The following DLGAP2 variants were observed in gnomAD, a reference collection of about 807,000 sequenced individuals.
DLGAP2 encodes the protein DLG associated protein 2.
DLGAP2 carries 26 observed loss-of-function variants against 100.3 expected under a neutral mutation model. The ratio of observed to expected loss-of-function variants is 0.26; its 90% CI spans 0.19 to 0.36. DLGAP2 has a LOEUF of 0.36. Ranked by LOEUF, DLGAP2 falls within the 10% of genes least tolerant of loss-of-function variation. The pLI, the probability that DLGAP2 is intolerant of heterozygous loss-of-function variation, is 1.00. For synonymous variants in DLGAP2, 886 were observed against 630.1 expected, an observed-to-expected ratio of 1.41 and a Z score of -6.08; for missense variants, 1,858 against 1,453.2, an observed-to-expected ratio of 1.28 and a Z score of -4.53.
chr8:1,439,779 T>C (rs1179219835), intron 3 of DLGAP2, among the ~76,000 whole-genome samples: 2 of 151,992 alleles, frequency 1.3e-5, no homozygotes, highest in African/African-American at 4.8e-5. Flanking sequence ...CCAGACTGCT[T>C]CCGATGAGCC....
At position 1,187,130 on chromosome 8, in the gene DLGAP2, C is replaced by T. The variant is rs565203695; in HGVS notation, c.74-71721C>T. 7.9e-5 allele frequency among the ~76,000 whole-genome samples: 12 copies of T among 152,212 alleles called. 1 individual carries two copies. The South Asian group carries it at 2.1e-3, about 26-fold the overall frequency. ...AGATGATTGTCAGTTGCCAAAATAG[C>T]ACTGGCTACATATTGACTGCAATTT... On this transcript the variant is annotated intron_variant, in intron 2 of 14. Coordinates refer to ENST00000637795, the MANE Select transcript of DLGAP2 (RefSeq NM_001346810.2).
chr8:1,240,782 T>TGCCGTGTCTAGTTCTCTCACGTGGC (rs1798775756), intron 2 of DLGAP2, among the ~76,000 whole-genome samples: 1 of 8,380 alleles, frequency 1.2e-4, no homozygotes, highest in Middle Eastern at 0.17. Context: ...TCTCACATGG[T>TGCCGTGTCTAGTTCTCTCACGTGGC]GCCGTTTCTA....
rs185983569 is a variant in DLGAP2 at position 1,566,402 on chromosome 8, A to G, written c.1442+508A>G. On this transcript the variant is annotated intron_variant, in intron 6 of 14. Coordinates refer to ENST00000637795, the MANE Select transcript of DLGAP2 (RefSeq NM_001346810.2). ...CATATTTGCCCAAAATTTATTATTA[A>G]TAAATTTAATTTTGAAAATATAGAC... Among the ~76,000 whole-genome samples the G allele has an allele frequency of 4.6e-5, 7 of 152,374 alleles. No homozygotes were observed. In the East Asian group the frequency reaches 1.3e-3, roughly 29 times the overall value.
intron 1 of DLGAP2, among the ~76,000 whole-genome samples, chr8:804,913 C>T (rs1796239455): frequency 1.3e-5 from 2 of 152,072 alleles, no homozygotes; most frequent in Admixed American, 1.3e-4. Flanking sequence ...TGCAGGTGTG[C>T]ACCACCACAC....
intron 10 of DLGAP2, among the ~76,000 whole-genome samples, chr8:1,670,027 T>C (rs1798651195): frequency 6.7e-6 from 1 of 150,166 alleles, no homozygotes; most frequent in African/African-American, 2.4e-5. Context: ...TAGGGTGCCA[T>C]CGCCCGTCTC....
chr8:1,553,287 C>T (rs930392804), intron 5 of DLGAP2, among the ~76,000 whole-genome samples: 2 of 152,204 alleles, frequency 1.3e-5, no homozygotes, highest in Non-Finnish European at 2.9e-5. Flanking sequence ...GTCTTCCCCA[C>T]CTGGCGTCGC....
chr8:1,332,566 C>T (rs775070464), intron 3 of DLGAP2, among the ~76,000 whole-genome samples: 32 of 152,306 alleles, frequency 2.1e-4, no homozygotes, highest in East Asian at 9.7e-4. Context: ...CTTGCTATGA[C>T]GGAGCTTCCC....
intron 3 of DLGAP2, among the ~76,000 whole-genome samples, chr8:1,386,899 T>G (rs969909325): frequency 6.6e-6 from 1 of 152,172 alleles, no homozygotes; most frequent in Non-Finnish European, 1.5e-5. Flanking sequence ...TTATGCACAT[T>G]AAAAAGTAAA....
intron 2 of DLGAP2, among the ~76,000 whole-genome samples, chr8:1,191,001 C>T (rs1055196284): frequency 6.6e-6 from 1 of 152,140 alleles, no homozygotes; most frequent in South Asian, 2.1e-4. Flanking sequence ...TCCTCATGGT[C>T]AGGGGAGCTA....
At chr8:1,151,769 T>C (rs1418436206) in intron 2 of DLGAP2, among the ~76,000 whole-genome samples, 1 of 152,188 alleles carries the variant, frequency 6.6e-6, no homozygotes, top group Admixed American at 6.5e-5. Context: ...GGCATTTAGG[T>C]TGTTCTGTTT....
intron 3 of DLGAP2, among the ~76,000 whole-genome samples, chr8:1,429,671 C>A (rs1797351939): frequency 6.6e-6 from 1 of 151,834 alleles, no homozygotes. Flanking sequence ...ACAGTTAAAA[C>A]CAGCAGGGAT....
chr8:1,673,623 G>A (rs956884251), intron 10 of DLGAP2, among the ~76,000 whole-genome samples: 2 of 152,222 alleles, frequency 1.3e-5, no homozygotes, highest in African/African-American at 4.8e-5. Context: ...AGAGAACAGG[G>A]AATTTGCATT....
Position 811,842 on chromosome 8 carries a change from C to T in DLGAP2, c.18+74017C>T, listed in dbSNP as rs1053368773. On this transcript the variant is annotated intron_variant, in intron 1 of 14. Transcript: ENST00000637795. The stretch of plus-strand genomic sequence containing the variant: ...AGGGGAAGAAAATAAACCACGGCTT[C>T]GCTGAGCCATGGGACCAAACTGACT... 4.6e-5 allele frequency among the ~76,000 whole-genome samples: 7 copies of T among 152,262 alleles called. No individual in the cohort carries two copies. In the East Asian group the frequency reaches 5.8e-4, roughly 13 times the overall value.
intron 2 of DLGAP2, among the ~76,000 whole-genome samples, chr8:1,074,064 TTTGC>T (rs1307605074): frequency 2.9e-5 from 4 of 136,576 alleles, no homozygotes; most frequent in East Asian, 2.0e-4. Flanking sequence ...CACAGAAGGG[TTTGC>T]AGCAGACTGA....
chr8:906,786 G>A (rs1798389870), intron 1 of DLGAP2, among the ~76,000 whole-genome samples: 1 of 152,186 alleles, frequency 6.6e-6, no homozygotes, highest in Non-Finnish European at 1.5e-5. Flanking sequence ...GCATGTGATT[G>A]AACTTTTAAT....
chr8:1,424,765 T>C (rs1797193468), intron 3 of DLGAP2, among the ~76,000 whole-genome samples: 1 of 152,156 alleles, frequency 6.6e-6, no homozygotes, highest in South Asian at 2.1e-4. Flanking sequence ...AGAAGTCAGA[T>C]GCACAGACAG....
At chr8:877,349 C>G (rs570624639) in intron 1 of DLGAP2, among the ~76,000 whole-genome samples, 4 of 152,236 alleles carry the variant, frequency 2.6e-5, no homozygotes, top group African/African-American at 7.2e-5. Context: ...TTAGAGGAGT[C>G]TAGACTCTCT....
In DLGAP2 at chr8:1,072,518, C is replaced by T. The variant is rs374116850; in HGVS notation, c.73+164552C>T. ...GAACTCGACGCGTGTTTGATTTCAC[C>T]GCAGCGTTTCTCCCCGCGGTAGTGC... On this transcript the variant is annotated intron_variant, in intron 2 of 14. Coordinates refer to ENST00000637795, the MANE Select transcript of DLGAP2 (RefSeq NM_001346810.2). 3.6e-4 allele frequency among the ~76,000 whole-genome samples: 55 copies of T among 152,200 alleles called. 1 individual carries two copies. In the South Asian group the frequency reaches 6.8e-3, roughly 19 times the overall value.
intron 3 of DLGAP2, among the ~76,000 whole-genome samples, chr8:1,309,031 G>T (rs536267439): frequency 8.5e-5 from 13 of 152,178 alleles, no homozygotes; most frequent in African/African-American, 3.1e-4. Flanking sequence ...AGTTAAATAT[G>T]GTACAGATGA....
Sources: allele counts gnomAD v4.1 joint callset (sites outside exome capture counted in the v4.1 genomes callset), GRCh38; gene constraint gnomAD v4.1.1; transcripts MANE v1.5; gene names NCBI Gene and HGNC (gene_info 2026-07-23, HGNC 2026-07-21).